Variants in ATAD3B observed in about 807,000 individuals in gnomAD.
ATAD3B encodes the protein ATPase family AAA domain-containing protein 3B.
ATAD3B carries 59 observed loss-of-function variants against 70.2 expected under a neutral mutation model. The observed-to-expected ratio is 0.84, with a 90% CI of 0.68 to 1.04. The LOEUF is 1.04. ATAD3B is among the 50% of genes least tolerant of loss of function. ATAD3B has a pLI of 0.00. For missense variants in ATAD3B, 961 were observed against 913.4 expected (o/e 1.05, Z -0.67); for synonymous variants, 423 against 388.6 (o/e 1.09, Z -1.04).
the ATAD3B span, chr1:1,509,352 G>C: frequency 1.2e-6 from 2 of 1,610,498 alleles, no homozygotes; most frequent in Non-Finnish European, 1.7e-6. Context: ...CTCATCCTGA[G>C]TCCATGGGGA....
At chr1:1,487,255 G>A (rs1250146649) in intron 11 of ATAD3B, among the ~76,000 whole-genome samples, 4 of 151,950 alleles carry the variant, frequency 2.6e-5, no homozygotes, top group East Asian at 1.9e-4. Flanking sequence ...TTTCGGAGGC[G>A]GAGGCAGGCA....
rs769595128 is a variant in ATAD3B, at chr1:1,490,486, C to G, written c.1505+62C>G. The G allele has an allele frequency of 4.3e-6, 7 of 1,611,024 alleles. 1 individual carries two copies. The highest frequency in any genetic ancestry group is 5.9e-6 in the Non-Finnish European group (7 of 1,178,762). ...ACCATATGGCATGGGTGTAGGCCAG[C>G]TGCCTGTCTTCCGGCCTCCACCTCA... On this transcript the variant is annotated intron_variant, in intron 14 of 15. Coordinates refer to ENST00000673477, the MANE Select transcript of ATAD3B (RefSeq NM_031921.6).
rs752703430 is a variant in ATAD3B, at chr1:1,480,957, G to A, written c.514+21G>A. On this transcript the variant is annotated intron_variant, in intron 5 of 15. Transcript: ENST00000673477. The stretch of plus-strand genomic sequence containing the variant: ...GCGAGGTAGGCTGTCTGCTCTCCTG[G>A]CTGGGGCGGAGGTGGCGGGGGCTGC... 52 of 1,588,296 alleles carry A rather than the reference G, an allele frequency of 3.3e-5. 1 individual carries two copies. Among genetic ancestry groups the A allele is most frequent in the Non-Finnish European group, 4.4e-5 (51 of 1,171,014 alleles).
At chr1:1,494,048 G>C (rs963403224) in intron 15 of ATAD3B, among the ~76,000 whole-genome samples, 16 of 152,108 alleles carry the variant, frequency 1.1e-4, no homozygotes, top group African/African-American at 3.6e-4. Context: ...TCTTCTCTTT[G>C]ACCTTTTATA....
chr1:1,481,100 C>A (rs549253690), intron 5 of ATAD3B, among the ~76,000 whole-genome samples, 164 bp downstream of exon 5: 2 of 141,290 alleles, frequency 1.4e-5, no homozygotes, highest in Non-Finnish European at 3.0e-5. Context: ...TCGGAAGACA[C>A]CTCTGTCTGC....
chr1:1,499,639 G>T (rs182174333), downstream of ATAD3B, among the ~76,000 whole-genome samples: 1,159 of 142,668 alleles, frequency 8.1e-3, 9 homozygotes, highest in Non-Finnish European at 0.012. Flanking sequence ...TGTAGCCCAG[G>T]CTGGAGTGCA....
At chr1:1,486,471 C>A (rs1640223058) in intron 10 of ATAD3B, 73 bp from the exon 11 acceptor site, 1 of 1,611,016 alleles carries the variant, frequency 6.2e-7, no homozygotes, top group African/African-American at 1.4e-5. Context: ...GCTCCACACT[C>A]CAGGTGGAGT....
At chr1:1,474,215 CG>C (rs1376023434) in intron 1 of ATAD3B, among the ~76,000 whole-genome samples, 1 of 149,320 alleles carries the variant, frequency 6.7e-6, no homozygotes, top group Non-Finnish European at 1.5e-5. Context: ...TTTTTTTTGA[CG>C]GAGTCTCGCT....
chr1:1,482,195 C>A lies in ATAD3B; in HGVS notation c.572C>A (p.Thr191Asn). The stretch of plus-strand genomic sequence containing the variant: ...AAGAATGAGATGCTGCGAGTGGAGA[C>A]CGAGGCCCGGGCGCGCGCCAAGGCC... Reference protein sequence around the residue: ...RHKNEMLRVETEARARAKAER... With the variant: ...RHKNEMLRVENEARARAKAER... The change falls in exon 6 of 16, where the codon ACC becomes AAC. Residue 191 changes from threonine to asparagine, a missense_variant. Physicochemically the swap from Thr to Asn is moderately conservative, Grantham distance 65. This residue lies in a region of ATAD3B where 349 missense variants were observed against 307.5 expected (regional missense o/e 1.14). Coordinates refer to ENST00000673477, the MANE Select transcript of ATAD3B (RefSeq NM_031921.6). 1 of 1,611,108 alleles carries A rather than the reference C, an allele frequency of 6.2e-7. No individual in the cohort carries two copies. The highest frequency in any genetic ancestry group is 8.5e-7 in the Non-Finnish European group (1 of 1,179,242).
At chr1:1,486,087 C>G (rs1019988506) in intron 9 of ATAD3B, 23 bp from the exon 10 acceptor site, 4 of 1,612,722 alleles carry the variant, frequency 2.5e-6, no homozygotes, top group South Asian at 1.1e-5. Flanking sequence ...GTGTCTCCCC[C>G]AAACCCCCGT....
rs775129691 is a variant in ATAD3B, at chr1:1,495,696, G to A, written c.1826G>A (p.Gly609Asp). 3 of 1,613,178 alleles carry A rather than the reference G, an allele frequency of 1.9e-6. No homozygotes were observed. The highest frequency in any genetic ancestry group is 1.7e-5 in the Admixed American group (1 of 59,970). ...ATDPSYPCLA[G>D]PCTFRICSWM... is the part of the protein sequence containing the mutation. ...GACCCCTCCTACCCCTGCCTTGCCGGCCCCTGCACATTTAGGATATGCTCC... is the reference window on the plus strand; with the variant it reads ...GACCCCTCCTACCCCTGCCTTGCCGACCCCTGCACATTTAGGATATGCTCC... The change falls in exon 16 of 16, where the codon GGC becomes GAC. Residue 609 changes from glycine to aspartate, a missense_variant. This residue lies in a region of ATAD3B where 417 missense variants were observed against 335.0 expected (regional missense o/e 1.24). Transcript: ENST00000673477.
the ATAD3B span, among the ~76,000 whole-genome samples, chr1:1,505,111 C>A: frequency 4.6e-5 from 7 of 152,176 alleles, no homozygotes; most frequent in Admixed American, 4.6e-4. Context: ...GGTAGTGGCC[C>A]CGAGTGCCAG....
intron 6 of ATAD3B, 62 bp from the exon 7 acceptor site, chr1:1,482,483 G>C: frequency 1.2e-6 from 2 of 1,612,520 alleles, no homozygotes. Flanking sequence ...CCCTCAACCT[G>C]CTCTCGCTGC....
At chr1:1,503,355 C>T in the ATAD3B span, 2 of 531,728 alleles carry the variant, frequency 3.8e-6, no homozygotes, top group Non-Finnish European at 6.8e-6. Context: ...TGTGGCTCTC[C>T]AAGACCATCC....
chr1:1,475,894 G>C (rs1292044555), intron 1 of ATAD3B, among the ~76,000 whole-genome samples: 2 of 150,532 alleles, frequency 1.3e-5, no homozygotes, highest in Non-Finnish European at 3.0e-5. Context: ...GGAGGGAGTG[G>C]CCTCAGCTTA....
the ATAD3B span, among the ~76,000 whole-genome samples, chr1:1,506,030 C>T: frequency 1.1e-4 from 16 of 152,146 alleles, no homozygotes; most frequent in African/African-American, 3.4e-4. Flanking sequence ...GTCAGGAGTT[C>T]GACACCAGCC....
intron 15 of ATAD3B, 57 bp from the exon 16 acceptor site, chr1:1,495,428 C>G (rs1640732992): frequency 1.3e-6 from 2 of 1,547,714 alleles, no homozygotes; most frequent in Non-Finnish European, 1.7e-6. Flanking sequence ...CCCTGGCGTG[C>G]ATTAAGGGTG....
chr1:1,474,538 C>T (rs1157860355), intron 1 of ATAD3B, among the ~76,000 whole-genome samples: 3 of 151,674 alleles, frequency 2.0e-5, no homozygotes, highest in Middle Eastern at 3.2e-3. Flanking sequence ...CTGGCTCTGC[C>T]GCCCAGGCTG....
downstream of ATAD3B, among the ~76,000 whole-genome samples, chr1:1,502,179 A>G (rs534029745): frequency 6.9e-6 from 1 of 144,342 alleles, no homozygotes; most frequent in South Asian, 2.2e-4. Flanking sequence ...GCTGGCCTCT[A>G]GTATAGGTTT....
Sources: gnomAD v4.1 joint callset for allele counts (sites outside exome capture counted in the v4.1 genomes callset) on GRCh38, gnomAD v4.1.1 for gene constraint, gnomAD v4.1.1 regional missense constraint, MANE v1.5 for transcripts, NCBI Gene and HGNC (gene_info 2026-07-23, HGNC 2026-07-21) for gene names.